PRKCH: variants seen among roughly 807,000 people sequenced by gnomAD.
PRKCH encodes the protein protein kinase C eta type.
PRKCH carries 28 observed loss-of-function variants against 82.5 expected under a neutral mutation model. The observed-to-expected ratio is 0.34, with a 90% CI of 0.25 to 0.47. The LOEUF (loss-of-function observed/expected upper bound fraction) is 0.47, where lower values mean the gene tolerates loss of function less well. Ranked by LOEUF, PRKCH falls within the 20% of genes least tolerant of loss-of-function variation. PRKCH has a pLI of 1.00. For missense variants in PRKCH, 705 were observed against 881.8 expected, an observed-to-expected ratio of 0.80 and a Z score of 2.54; for synonymous variants, 322 against 327.4, an observed-to-expected ratio of 0.98 and a Z score of 0.18.
chr14:61,361,945 G>T (rs1369361436), intron 1 of PRKCH, among the ~76,000 whole-genome samples: 2 of 152,176 alleles, frequency 1.3e-5, no homozygotes, highest in Admixed American at 1.3e-4. Context: ...GATAATCTCA[G>T]AGTCTGTGCT....
Position 61,457,783 on chromosome 14 carries a change from G to T in PRKCH, c.1278+104G>T, listed in dbSNP as rs113847229. On this transcript the variant is annotated intron_variant, in intron 9 of 13. Transcript: ENST00000332981. ...AAAGTTGAGTATCAGAAATTTTGGG[G>T]GATGGGCTCCCAAGGCAGGGTCATA... 1.9e-3 allele frequency: 2,758 copies of T among 1,466,906 alleles called. 35 individuals are homozygous for T. The African/African-American group carries it at 0.033, about 18-fold the overall frequency. 90.9% of individuals were successfully genotyped at this position (1,466,906 alleles called of 1,614,324 possible).
intron 1 of PRKCH, among the ~76,000 whole-genome samples, chr14:61,199,137 C>T (rs1014072574): frequency 6.6e-6 from 1 of 151,302 alleles, no homozygotes; most frequent in Admixed American, 6.6e-5. Flanking sequence ...TGAAACTTTC[C>T]AAAAAAAAGA....
chr14:61,393,176 T>A (rs529122443), intron 2 of PRKCH, among the ~76,000 whole-genome samples: 44 of 152,306 alleles, frequency 2.9e-4, no homozygotes, highest in African/African-American at 9.9e-4. Context: ...TTATAGTGAG[T>A]CTTATGGTTA....
chr14:61,458,228 G>A (rs143437920), intron 9 of PRKCH, among the ~76,000 whole-genome samples: 16 of 152,348 alleles, frequency 1.1e-4, no homozygotes, highest in South Asian at 1.0e-3. Context: ...CTGTAATGGC[G>A]TGCGTTTAGG....
chr14:61,284,126 G>A (rs1161827505), intron 1 of PRKCH, among the ~76,000 whole-genome samples: 1 of 152,220 alleles, frequency 6.6e-6, no homozygotes, highest in Non-Finnish European at 1.5e-5. Flanking sequence ...GAGAACAGGT[G>A]CAGAGTTATC....
intron 1 of PRKCH, among the ~76,000 whole-genome samples, chr14:61,290,690 T>G (rs551168013): frequency 1.3e-5 from 2 of 152,310 alleles, no homozygotes; most frequent in South Asian, 4.1e-4. Flanking sequence ...AAGAAATGGG[T>G]GCATTGCTGT....
chr14:61,376,433 C>G (rs1241787848), intron 1 of PRKCH, among the ~76,000 whole-genome samples: 1 of 152,150 alleles, frequency 6.6e-6, no homozygotes, highest in East Asian at 1.9e-4. Context: ...ATCTTTTTGT[C>G]ACACATTTCT....
intron 9 of PRKCH, among the ~76,000 whole-genome samples, chr14:61,459,120 C>T (rs1415008068): frequency 6.6e-6 from 1 of 152,080 alleles, no homozygotes; most frequent in African/African-American, 2.4e-5. Flanking sequence ...GGAAAATGGC[C>T]CTGGAGAAGG....
At chr14:61,205,763 G>C (rs1034608049) in intron 1 of PRKCH, among the ~76,000 whole-genome samples, 1 of 152,222 alleles carries the variant, frequency 6.6e-6, no homozygotes, top group African/African-American at 2.4e-5. Context: ...AGGAATGGTA[G>C]TCGGTGGTGA....
At chr14:61,452,710 C>A (rs1430326649) in intron 6 of PRKCH, 1 of 159,216 alleles carries the variant, frequency 6.3e-6, no homozygotes, top group Non-Finnish European at 1.4e-5. Context: ...CCTGCCCAAC[C>A]ACAACAATAC....
chr14:61,218,418 C>T (rs1028668741), intron 1 of PRKCH, among the ~76,000 whole-genome samples: 1 of 152,180 alleles, frequency 6.6e-6, no homozygotes, highest in Non-Finnish European at 1.5e-5. Context: ...AGTAAAACAT[C>T]CGCCTTCATT....
chr14:61,311,237 G>A (rs2045521593), intron 1 of PRKCH, among the ~76,000 whole-genome samples: 1 of 152,200 alleles, frequency 6.6e-6, no homozygotes, highest in South Asian at 2.1e-4. Flanking sequence ...CAGAAAATGG[G>A]TTTTTCTTTT....
intron 1 of PRKCH, among the ~76,000 whole-genome samples, chr14:61,347,653 G>T (rs962416013): frequency 1.3e-5 from 2 of 152,334 alleles, no homozygotes; most frequent in African/African-American, 2.4e-5. Flanking sequence ...CCTTGGAGCT[G>T]CTGGGTCCTT....
At chr14:61,386,860 A>G (rs2046595617) in intron 1 of PRKCH, among the ~76,000 whole-genome samples, 1 of 152,194 alleles carries the variant, frequency 6.6e-6, no homozygotes, top group African/African-American at 2.4e-5. Flanking sequence ...CAATTTGAAT[A>G]TGTTTTTTGA....
chr14:61,367,632 C>T (rs918349364), intron 1 of PRKCH, among the ~76,000 whole-genome samples: 2 of 151,764 alleles, frequency 1.3e-5, no homozygotes, highest in African/African-American at 2.4e-5. Flanking sequence ...AGAGACTGCC[C>T]AGAGTGGATT....
At chr14:61,343,041 A>G (rs1199015776) in intron 1 of PRKCH, among the ~76,000 whole-genome samples, 1 of 152,188 alleles carries the variant, frequency 6.6e-6, no homozygotes, top group Non-Finnish European at 1.5e-5. Context: ...AGGTGGTTTT[A>G]CCAATTCGTC....
rs558495267 is a variant in PRKCH, at chr14:61,364,004, ATT to A, written c.364-27219_364-27218del. On this transcript the variant is annotated intron_variant, in intron 1 of 13. Coordinates refer to ENST00000332981, the MANE Select transcript of PRKCH (RefSeq NM_006255.5). ...TGTATATGTGTGTGTGTATATATAT[ATT>A]TGTGTGTATATATATATTTGTATAT... 1.2e-3 allele frequency among the ~76,000 whole-genome samples: 176 copies of A among 146,728 alleles called. 2 individuals carry two copies. The highest frequency in any genetic ancestry group is 4.3e-3 in the African/African-American group (171 of 40,164).
chr14:61,209,041 G>A (rs548333582), intron 1 of PRKCH, among the ~76,000 whole-genome samples: 5 of 152,184 alleles, frequency 3.3e-5, no homozygotes, highest in Admixed American at 1.3e-4. Flanking sequence ...CTTCATGAAC[G>A]GATTAATGCC....
intron 9 of PRKCH, among the ~76,000 whole-genome samples, chr14:61,481,500 C>T (rs1885968538): frequency 6.6e-6 from 1 of 152,226 alleles, no homozygotes; most frequent in African/African-American, 2.4e-5. Flanking sequence ...ATTGCCTAAA[C>T]AAGGGCTCTC....
Sources: gnomAD v4.1 joint callset for allele counts (sites outside exome capture counted in the v4.1 genomes callset) on GRCh38, gnomAD v4.1.1 for gene constraint, MANE v1.5 for transcripts, NCBI Gene and HGNC (gene_info 2026-07-23, HGNC 2026-07-21) for gene names.